The following TLE1 variants were observed in gnomAD, a reference collection of about 807,000 sequenced individuals.
The protein encoded by TLE1 is transducin-like enhancer protein 1.
In TLE1, 21 loss-of-function variants were observed where a neutral mutation model predicts 89.8. The ratio of observed to expected loss-of-function variants is 0.23; its 90% CI spans 0.17 to 0.34. TLE1 has a LOEUF of 0.34. Among genes scored for constraint, TLE1 ranks in the 10% least tolerant of loss-of-function variants. The pLI is 1.00. For missense variants in TLE1, 795 were observed against 1,031.2 expected (o/e 0.77, Z 3.14); for synonymous variants, 447 against 407.6 (o/e 1.10, Z -1.16).
Position 81,662,111 on chromosome 9 carries a change from G to GA in TLE1, c.235-8076dup, listed in dbSNP as rs536451800. 3.9e-5 allele frequency among the ~76,000 whole-genome samples: 6 copies of GA among 152,110 alleles called. No homozygotes were observed. In the East Asian group the frequency reaches 9.7e-4, roughly 24 times the overall value. On this transcript the variant is annotated intron_variant, in intron 4 of 19. Transcript: ENST00000376499. Reference sequence around the variant, plus strand: ...CAGCACTAGTTTCAAAGCGAAAAGAGAAAAAAACAGGTAAAGATGTAACAG... The same window carrying GA: ...CAGCACTAGTTTCAAAGCGAAAAGAGAAAAAAAACAGGTAAAGATGTAACAG...
intron 14 of TLE1, among the ~76,000 whole-genome samples, chr9:81,604,643 G>C (rs1482659635): frequency 1.3e-5 from 2 of 152,178 alleles, no homozygotes; most frequent in African/African-American, 4.8e-5. Flanking sequence ...GAGGCACACT[G>C]TCACTGCACG....
chr9:81,592,185 C>A (rs62578590), intron 15 of TLE1, among the ~76,000 whole-genome samples: 3 of 152,080 alleles, frequency 2.0e-5, no homozygotes, highest in African/African-American at 7.2e-5. Flanking sequence ...GGTGAAACCC[C>A]GTCTCTACTA....
At chr9:81,675,036 C>T (rs555519571) in intron 4 of TLE1, among the ~76,000 whole-genome samples, 1 of 152,234 alleles carries the variant, frequency 6.6e-6, no homozygotes, top group East Asian at 1.9e-4. Flanking sequence ...ACATGGAAAT[C>T]CCTGCTTCAT....
intron 4 of TLE1, among the ~76,000 whole-genome samples, chr9:81,665,968 T>C (rs937528401): frequency 6.6e-6 from 1 of 152,150 alleles, no homozygotes; most frequent in African/African-American, 2.4e-5. Flanking sequence ...ATTAATGACT[T>C]AAATGTTTTG....
chr9:81,587,906 C>CTGTG, intron 16 of TLE1, 78 bp from the exon 17 acceptor site: 1 of 545,674 alleles, frequency 1.8e-6, no homozygotes, highest in Admixed American at 3.5e-5. Flanking sequence ...TAGTTTTGGA[C>CTGTG]CGTGTGTGTG....
At chr9:81,625,235 G>T (rs953353410) in intron 8 of TLE1, among the ~76,000 whole-genome samples, 3 of 152,170 alleles carry the variant, frequency 2.0e-5, no homozygotes, top group Non-Finnish European at 4.4e-5. Context: ...CATCTTCACT[G>T]GCAACAAGCA....
At chr9:81,633,904 C>T (rs947972931) in intron 7 of TLE1, 193 bp downstream of exon 7, 1 of 565,768 alleles carries the variant, frequency 1.8e-6, no homozygotes, top group Admixed American at 3.4e-5. Context: ...ATCGAGAAAT[C>T]TACAGATGCC....
chr9:81,650,642 TG>T (rs1223950006), intron 6 of TLE1, among the ~76,000 whole-genome samples: 1 of 152,054 alleles, frequency 6.6e-6, no homozygotes, highest in Non-Finnish European at 1.5e-5. Flanking sequence ...CAAATGCAGA[TG>T]TAATTGTGTT....
chr9:81,598,813 C>T lies in TLE1; in HGVS notation c.1332-5539G>A, dbSNP rs139765819. Among the ~76,000 whole-genome samples, 684 of 152,282 alleles carry T rather than the reference C, an allele frequency of 4.5e-3. 4 individuals carry two copies. Among genetic ancestry groups the T allele is most frequent in the African/African-American group, 0.016 (649 of 41,558 alleles). Reference sequence around the variant, plus strand: ...GACAATAATGAAGTGAAATCCATAGCTTTCCCCTAAGCCAGCTAAATCCAG... The same window carrying T: ...GACAATAATGAAGTGAAATCCATAGTTTTCCCCTAAGCCAGCTAAATCCAG... On this transcript the variant is annotated intron_variant, in intron 14 of 19. Coordinates refer to ENST00000376499, the MANE Select transcript of TLE1 (RefSeq NM_005077.5).
chr9:81,610,688 G>A (rs1823587120), intron 13 of TLE1, among the ~76,000 whole-genome samples: 1 of 152,158 alleles, frequency 6.6e-6, no homozygotes, highest in African/African-American at 2.4e-5. Flanking sequence ...GTTGCAGGAT[G>A]CTGAATATCA....
intron 6 of TLE1, among the ~76,000 whole-genome samples, chr9:81,643,855 T>C (rs535492807): frequency 1.6e-4 from 24 of 152,222 alleles, no homozygotes; most frequent in Non-Finnish European, 2.2e-4. Context: ...TCTTTCTCCA[T>C]TTCAGCTAAT....
intron 6 of TLE1, 53 bp from the exon 7 acceptor site, chr9:81,634,354 T>A: frequency 7.2e-7 from 1 of 1,384,988 alleles, no homozygotes; most frequent in Middle Eastern, 1.9e-4. Flanking sequence ...GAGGTAGTGG[T>A]GACAGTGATG....
chr9:81,584,401 C>A (rs183982200), intron 19 of TLE1, 47 bp downstream of exon 19: 183 of 1,611,076 alleles, frequency 1.1e-4, no homozygotes, highest in Non-Finnish European at 1.4e-4. Flanking sequence ...GCTTCAGAGG[C>A]GACACTGTGG....
intron 4 of TLE1, among the ~76,000 whole-genome samples, chr9:81,664,947 TC>T (rs988681360): frequency 6.6e-6 from 1 of 152,124 alleles, no homozygotes; most frequent in African/African-American, 2.4e-5. Context: ...AGCACTGCCA[TC>T]TATTTCAGCA....
intron 6 of TLE1, among the ~76,000 whole-genome samples, chr9:81,643,097 C>T (rs1362661963): frequency 6.6e-6 from 1 of 152,086 alleles, no homozygotes; most frequent in Non-Finnish European, 1.5e-5. Context: ...AGCAATTGGT[C>T]AAAGGGTACA....
chr9:81,625,888 T>C (rs1825829360), intron 8 of TLE1, among the ~76,000 whole-genome samples: 1 of 126,454 alleles, frequency 7.9e-6, no homozygotes. Context: ...TAACATGTTC[T>C]GGAAAGTAAC....
chr9:81,610,364 G>C, intron 13 of TLE1, 68 bp from the exon 14 acceptor site: 9 of 1,171,754 alleles, frequency 7.7e-6, no homozygotes, highest in Non-Finnish European at 1.1e-5. Context: ...CATCAATACT[G>C]TTCATTAGAA....
At chr9:81,663,526 C>T (rs1831078730) in intron 4 of TLE1, among the ~76,000 whole-genome samples, 1 of 152,140 alleles carries the variant, frequency 6.6e-6, no homozygotes, top group South Asian at 2.1e-4. Flanking sequence ...CATGATCCCT[C>T]AGCCAACAAA....
At chr9:81,619,756 T>C (rs561909231) in intron 9 of TLE1, among the ~76,000 whole-genome samples, 1 of 152,320 alleles carries the variant, frequency 6.6e-6, no homozygotes, top group Admixed American at 6.5e-5. Flanking sequence ...CCAATGGCCA[T>C]CTGGCTTGGT....
Sources: gnomAD v4.1 joint callset for allele counts (sites outside exome capture counted in the v4.1 genomes callset) on GRCh38, gnomAD v4.1.1 for gene constraint, MANE v1.5 for transcripts, NCBI Gene and HGNC (gene_info 2026-07-23, HGNC 2026-07-21) for gene names.